STK32B: variants seen among roughly 807,000 people sequenced by gnomAD.
STK32B encodes serine/threonine kinase 32B.
In STK32B, 43 loss-of-function variants were observed where a neutral mutation model predicts 52.6. That is an observed-to-expected ratio of 0.82 (90% CI 0.64 to 1.05). STK32B has a LOEUF of 1.05. STK32B is among the 50% of genes least tolerant of loss of function. The probability of loss-of-function intolerance (pLI) is 0.00; values close to 1 mark genes in which losing one functional copy is unlikely to be tolerated. For synonymous variants in STK32B, 238 were observed against 204.3 expected, an observed-to-expected ratio of 1.17 and a Z score of -1.41; for missense variants, 621 against 534.6, an observed-to-expected ratio of 1.16 and a Z score of -1.59.
rs746835074 is a variant in STK32B at position 5,051,905 on chromosome 4, G to C, written c.42G>C (p.Glu14Asp). Reference sequence around the variant, plus strand: ...CCCACAAGCCCCCCGTGTTTGACGAGAATGAGGAAGGTAAGAGAGCGAGAG... The same window carrying C: ...CCCACAAGCCCCCCGTGTTTGACGACAATGAGGAAGGTAAGAGAGCGAGAG... ...NHSHKPPVFD[E>D]NEEVNFDHFQ... Residue 14 changes from glutamate to aspartate, a missense_variant, in exon 1 of 12, where the codon GAG (glutamate) becomes GAC (aspartate). Glu to Asp is a conservative substitution (Grantham distance 45). Transcript: ENST00000282908. 1 of 1,598,108 alleles carries C rather than the reference G, an allele frequency of 6.3e-7. No homozygotes were observed. Among genetic ancestry groups the C allele is most frequent in the Admixed American group, 1.7e-5 (1 of 58,366 alleles).
At chr4:5,187,645 T>G in intron 3 of STK32B, among the ~76,000 whole-genome samples, 1 of 152,150 alleles carries the variant, frequency 6.6e-6, no homozygotes. Context: ...AAGCCCTGTT[T>G]GCCAATTTCC....
At chr4:5,357,040 CAT>C (rs1271236612) in intron 4 of STK32B, among the ~76,000 whole-genome samples, 13 of 148,690 alleles carry the variant, frequency 8.7e-5, no homozygotes, top group South Asian at 2.1e-4. Flanking sequence ...CACACACACA[CAT>C]ATATACACAC....
chr4:5,077,415 C>G (rs930350510), intron 1 of STK32B, among the ~76,000 whole-genome samples: 1 of 152,072 alleles, frequency 6.6e-6, no homozygotes, highest in Admixed American at 6.6e-5. Flanking sequence ...ACAGTTTCCC[C>G]AACCAGCTGT....
At chr4:5,092,250 G>T (rs1024961724) in intron 1 of STK32B, among the ~76,000 whole-genome samples, 1 of 152,250 alleles carries the variant, frequency 6.6e-6, no homozygotes. Context: ...AAATACCAGA[G>T]GCTGGGTGCA....
intron 7 of STK32B, among the ~76,000 whole-genome samples, chr4:5,449,472 GT>G (rs1303729321): frequency 6.6e-6 from 1 of 152,202 alleles, no homozygotes; most frequent in Non-Finnish European, 1.5e-5. Context: ...GAAAACAGCT[GT>G]TTCTCCTCAT....
chr4:5,226,539 C>G (rs1396150575), intron 3 of STK32B, among the ~76,000 whole-genome samples: 1 of 152,142 alleles, frequency 6.6e-6, no homozygotes, highest in Non-Finnish European at 1.5e-5. Flanking sequence ...GTGAATTATC[C>G]CTTTGTCCAC....
At chr4:5,495,932 T>G (rs1720195384) in intron 11 of STK32B, among the ~76,000 whole-genome samples, 1 of 152,146 alleles carries the variant, frequency 6.6e-6, no homozygotes, top group South Asian at 2.1e-4. Flanking sequence ...ATCGTTCCTC[T>G]GGAAATTTTG....
intron 2 of STK32B, among the ~76,000 whole-genome samples, chr4:5,141,240 G>A (rs1260813381): frequency 6.6e-6 from 1 of 152,208 alleles, no homozygotes; most frequent in East Asian, 1.9e-4. Context: ...TGGTTCTGCA[G>A]GACAGTGCTC....
At chr4:5,196,849 G>A (rs1721718395) in intron 3 of STK32B, among the ~76,000 whole-genome samples, 1 of 152,172 alleles carries the variant, frequency 6.6e-6, no homozygotes, top group Non-Finnish European at 1.5e-5. Flanking sequence ...CCAGATCTAG[G>A]TGAGCACAGC....
At position 5,466,726 on chromosome 4, in the gene STK32B, C is replaced by G; in HGVS notation, c.933C>G (p.Pro311=). 1 of 1,613,548 alleles carries G rather than the reference C, an allele frequency of 6.2e-7. No homozygotes were observed. Among genetic ancestry groups the G allele is most frequent in the Non-Finnish European group, 8.5e-7 (1 of 1,179,778 alleles). ...VPNKGRLNCD[P]TFELEEMILE... ...AGAAAGGGAGGTTGAACTGCGATCC[C>G]ACATTTGAGCTTGAAGAGATGATTC... is the stretch of plus-strand genomic sequence containing the variant. Residue 311 remains proline, a synonymous_variant, in exon 10 of 12, where the codon CCC becomes CCG. Transcript: ENST00000282908.
At chr4:5,171,558 G>C (rs980818295) in intron 3 of STK32B, among the ~76,000 whole-genome samples, 1 of 152,134 alleles carries the variant, frequency 6.6e-6, no homozygotes, top group South Asian at 2.1e-4. Flanking sequence ...CATTTATTAA[G>C]TAGGGAATCC....
At chr4:5,448,966 CT>C (rs1322272443) in intron 7 of STK32B, among the ~76,000 whole-genome samples, 9 of 152,188 alleles carry the variant, frequency 5.9e-5, no homozygotes, top group African/African-American at 2.2e-4. Context: ...GTTATCCCCC[CT>C]CTTGGAATTC....
At chr4:5,277,975 G>A (rs1219240289) in intron 3 of STK32B, among the ~76,000 whole-genome samples, 1 of 152,166 alleles carries the variant, frequency 6.6e-6, no homozygotes, top group Non-Finnish European at 1.5e-5. Flanking sequence ...TTTTAATGCT[G>A]CATGTGACAC....
chr4:5,099,447 T>TGCGCGCGCGCGC (rs1553823495), intron 1 of STK32B, among the ~76,000 whole-genome samples: 15 of 80,636 alleles, frequency 1.9e-4, no homozygotes, highest in East Asian at 1.7e-3. Context: ...TGTGTGTGTG[T>TGCGCGCGCGCGC]GTGCGCGCGC....
rs149899204 is a variant in STK32B at position 5,279,424 on chromosome 4, C to T, written c.261-51796C>T. On this transcript the variant is annotated intron_variant, in intron 3 of 11. Transcript: ENST00000282908. ...ATCCAGGCCACACTGATGCAAAGGACGGGCTTCCAAGGTTTTGAGCAGCCT... is the reference window on the plus strand; with the variant it reads ...ATCCAGGCCACACTGATGCAAAGGATGGGCTTCCAAGGTTTTGAGCAGCCT... Among the ~76,000 whole-genome samples the T allele has an allele frequency of 1.0e-3, 155 of 148,558 alleles. 2 individuals are homozygous for T. The highest frequency in any genetic ancestry group is 6.1e-3 in the Admixed American group (93 of 15,204).
chr4:5,372,434 G>A (rs981263666), intron 4 of STK32B, among the ~76,000 whole-genome samples: 1 of 152,072 alleles, frequency 6.6e-6, no homozygotes, highest in Non-Finnish European at 1.5e-5. Flanking sequence ...GAAGCTTCAG[G>A]TAGCCCAGGA....
At chr4:5,261,965 A>G (rs1470872292) in intron 3 of STK32B, among the ~76,000 whole-genome samples, 1 of 152,208 alleles carries the variant, frequency 6.6e-6, no homozygotes, top group African/African-American at 2.4e-5. Flanking sequence ...GCAGCAGCCA[A>G]CAATTACTGG....
chr4:5,338,454 A>G (rs1022482349), intron 4 of STK32B, among the ~76,000 whole-genome samples: 3 of 152,196 alleles, frequency 2.0e-5, no homozygotes, highest in Admixed American at 2.0e-4. Context: ...GGCTTCTTTG[A>G]AGGTGCTGAA....
chr4:5,113,800 T>G (rs1714540529), intron 1 of STK32B, among the ~76,000 whole-genome samples: 1 of 152,176 alleles, frequency 6.6e-6, no homozygotes, highest in Non-Finnish European at 1.5e-5. Context: ...GAAAGAGGTT[T>G]AATGGACTTA....
Sources: allele counts gnomAD v4.1 joint callset (sites outside exome capture counted in the v4.1 genomes callset), GRCh38; gene constraint gnomAD v4.1.1; transcripts MANE v1.5; gene names NCBI Gene and HGNC (gene_info 2026-07-23, HGNC 2026-07-21).